PHLPP2: variants seen among roughly 807,000 people sequenced by gnomAD.
PHLPP2 encodes the protein PH domain leucine-rich repeat-containing protein phosphatase 2.
PHLPP2 carries 66 observed loss-of-function variants against 124.9 expected under a neutral mutation model. The ratio of observed to expected loss-of-function variants is 0.53; its 90% CI spans 0.43 to 0.65. The LOEUF is 0.65. Among genes scored for constraint, PHLPP2 ranks in the 30% least tolerant of loss-of-function variants. PHLPP2 has a pLI of 0.00. For synonymous variants in PHLPP2, 681 were observed against 624.7 expected, an observed-to-expected ratio of 1.09 and a Z score of -1.34; for missense variants, 1,685 against 1,600.4, an observed-to-expected ratio of 1.05 and a Z score of -0.90.
Position 71,678,821 on chromosome 16 carries a change from T to C in PHLPP2, c.1202A>G (p.Asn401Ser), listed in dbSNP as rs1484078802. ...TMLDRVVMAG[N>S]CLEVLNLGVL... is the part of the protein sequence containing the mutation. ...CCCTAAGTTCAGGACTTCCAGGCAATTTCCTGCCATAACCACTCTATCTAA... is the reference window on the plus strand; with the variant it reads ...CCCTAAGTTCAGGACTTCCAGGCAACTTCCTGCCATAACCACTCTATCTAA... Residue 401 changes from asparagine to serine, a missense_variant, in exon 8 of 19, where the codon AAT (asparagine) becomes AGT (serine). Transcript: ENST00000568954. 1.9e-6 allele frequency: 3 copies of C among 1,612,714 alleles called. No individual in the cohort carries two copies. The highest frequency in any genetic ancestry group is 1.7e-5 in the Admixed American group (1 of 60,002).
At chr16:71,689,015 C>A (rs1042704316) in intron 4 of PHLPP2, among the ~76,000 whole-genome samples, 9 of 152,108 alleles carry the variant, frequency 5.9e-5, no homozygotes, top group African/African-American at 1.9e-4. Context: ...ACAAAAGATA[C>A]CAACCAGCCT....
intron 15 of PHLPP2, among the ~76,000 whole-genome samples, 199 bp from the exon 16 acceptor site, chr16:71,656,880 G>A (rs2044746532): frequency 6.6e-6 from 1 of 151,858 alleles, no homozygotes; most frequent in Admixed American, 6.6e-5. Context: ...CTCCTAAGCA[G>A]CTGAGATTAC....
chr16:71,649,166 G>A lies in PHLPP2; in HGVS notation c.3696C>T (p.Thr1232=), dbSNP rs372900570. Residue 1232 remains threonine, a synonymous_variant, in exon 19 of 19, where the codon ACC becomes ACT. Transcript: ENST00000568954. ...AGAGTTTCTTCCCATAGAGGCAGGA[G>A]GTGGAGGGAGACTTCTGTAACTCCA... ...DRMELQKSPS[T]SCLYGKKLSN... The A allele has an allele frequency of 6.2e-7, 1 of 1,614,166 alleles. No individual in the cohort carries two copies. The highest frequency in any genetic ancestry group is 1.7e-5 in the Admixed American group (1 of 60,024).
intron 15 of PHLPP2, among the ~76,000 whole-genome samples, chr16:71,657,271 T>A (rs1436845901): frequency 2.6e-5 from 4 of 151,512 alleles, no homozygotes; most frequent in Non-Finnish European, 5.9e-5. Context: ...AGGGATGGAG[T>A]TTTGTCATGT....
Position 71,678,834 on chromosome 16 carries a change from C to G in PHLPP2, c.1189G>C (p.Val397Leu). 1.2e-6 allele frequency: 2 copies of G among 1,612,638 alleles called. No homozygotes were observed. The highest frequency in any genetic ancestry group is 1.3e-5 in the African/African-American group (1 of 75,006). Residue 397 changes from valine to leucine, a missense_variant, in exon 8 of 19, where the codon GTT becomes CTT. Physicochemically the swap from Val to Leu is conservative, Grantham distance 32. Coordinates refer to ENST00000568954, the MANE Select transcript of PHLPP2 (RefSeq NM_015020.3). ...ACTTCCAGGCAATTTCCTGCCATAA[C>G]CACTCTATCTAACATAGTGAGTTTC... ...YEKLTMLDRV[V>L]MAGNCLEVLN...
intron 3 of PHLPP2, among the ~76,000 whole-genome samples, chr16:71,698,374 T>C (rs1326891284): frequency 6.6e-6 from 1 of 152,194 alleles, no homozygotes; most frequent in Non-Finnish European, 1.5e-5. Context: ...ACCAGGGAAC[T>C]TCAACTTGGC....
At position 71,648,764 on chromosome 16, in the gene PHLPP2, C is replaced by A; in HGVS notation, c.*126G>T. The A allele has an allele frequency of 1.4e-6, 1 of 732,842 alleles. No individual in the cohort carries two copies. The highest frequency in any genetic ancestry group is 2.3e-6 in the Non-Finnish European group (1 of 439,224). The allele number at this position is 732,842 out of a possible 1,614,324, so 45.4% of individuals were successfully genotyped here. ...CCAGCCTGAGCGACTGAGCAAGACT[C>A]CGTCTCAAAACAAACAAACAAAAAA... On this transcript the variant is annotated 3_prime_UTR_variant, in exon 19 of 19. Transcript: ENST00000568954.
At chr16:71,661,698 G>A (rs919393214) in intron 13 of PHLPP2, among the ~76,000 whole-genome samples, 6 of 152,240 alleles carry the variant, frequency 3.9e-5, no homozygotes, top group African/African-American at 1.4e-4. Flanking sequence ...AGGCTGACCA[G>A]GCACAGTGGT....
At chr16:71,660,349 C>T (rs992864608) in intron 13 of PHLPP2, among the ~76,000 whole-genome samples, 8 of 128,800 alleles carry the variant, frequency 6.2e-5, no homozygotes, top group Non-Finnish European at 1.6e-5. Flanking sequence ...GCACACCAGC[C>T]TGGGTGACAC....
intron 2 of PHLPP2, among the ~76,000 whole-genome samples, chr16:71,705,935 G>A (rs1482707080): frequency 1.3e-5 from 2 of 152,174 alleles, no homozygotes; most frequent in Non-Finnish European, 2.9e-5. Flanking sequence ...CTCTTCTGCT[G>A]AAAAAAGTAG....
At chr16:71,668,183 G>A (rs974781936) in intron 11 of PHLPP2, among the ~76,000 whole-genome samples, 2 of 151,626 alleles carry the variant, frequency 1.3e-5, no homozygotes, top group Non-Finnish European at 2.9e-5. Flanking sequence ...AGGCAGAGGC[G>A]GGCAGATCAC....
intron 2 of PHLPP2, among the ~76,000 whole-genome samples, chr16:71,714,086 C>T (rs950143176): frequency 2.0e-5 from 3 of 151,738 alleles, no homozygotes; most frequent in South Asian, 4.2e-4. Context: ...ATTACAGGTG[C>T]GCACTACCAT....
intron 3 of PHLPP2, among the ~76,000 whole-genome samples, chr16:71,693,857 A>G (rs1476713647): frequency 6.6e-6 from 1 of 152,202 alleles, no homozygotes. Context: ...CAGGGACAGA[A>G]AACTTTCCTA....
chr16:71,679,162 T>C (rs1352641704), intron 7 of PHLPP2, among the ~76,000 whole-genome samples, 177 bp from the exon 8 acceptor site: 1 of 152,202 alleles, frequency 6.6e-6, no homozygotes, highest in Non-Finnish European at 1.5e-5. Context: ...CTTAAACAAA[T>C]GGTCCCTCCA....
At chr16:71,653,405 T>C (rs1182256981) in intron 17 of PHLPP2, among the ~76,000 whole-genome samples, 1 of 152,148 alleles carries the variant, frequency 6.6e-6, no homozygotes, top group African/African-American at 2.4e-5. Context: ...GGTAAGAGGC[T>C]GGCCCAATAA....
chr16:71,711,203 T>C (rs921132301), intron 2 of PHLPP2, among the ~76,000 whole-genome samples: 1 of 151,760 alleles, frequency 6.6e-6, no homozygotes, highest in Non-Finnish European at 1.5e-5. Flanking sequence ...TGGTGGCTCA[T>C]GCCTGTAATC....
rs1254760893 is a variant in PHLPP2, at chr16:71,681,736, C to G, written c.890+15G>C. 6.3e-7 allele frequency: 1 copy of G among 1,588,608 alleles called. No homozygotes were observed. The highest frequency in any genetic ancestry group is 8.6e-7 in the Non-Finnish European group (1 of 1,167,238). ...GGTTTTAACAGGTTAGTCTGGAAAC[C>G]CATTCTCCACATACTTGTAGAGTGT... is the stretch of plus-strand genomic sequence containing the variant. On this transcript the variant is annotated intron_variant, in intron 6 of 18. Coordinates refer to ENST00000568954, the MANE Select transcript of PHLPP2 (RefSeq NM_015020.3).
intron 11 of PHLPP2, 117 bp from the exon 12 acceptor site, chr16:71,667,450 T>C (rs2044849481): frequency 1.3e-6 from 1 of 770,350 alleles, no homozygotes; most frequent in Non-Finnish European, 2.0e-6. Context: ...TTCTCCTAGA[T>C]TGTATACTCA....
At position 71,655,420 on chromosome 16, in the gene PHLPP2, G is replaced by A. The variant is rs771975630; in HGVS notation, c.2405C>T (p.Ala802Val). Residue 802 changes from alanine (A) to valine (V), a missense_variant, in exon 17 of 19, where the codon GCA (alanine) becomes GTA (valine). Transcript: ENST00000568954. ...CTCTGCAAAGCTATCCATAGCAAGTGCTGAGACACACAGCCTATAATAGAA... is the reference window on the plus strand; with the variant it reads ...CTCTGCAAAGCTATCCATAGCAAGTACTGAGACACACAGCCTATAATAGAA... ...AGQRNKLCVS[A>V]LAMDSFAEGV... is the part of the protein sequence containing the mutation. The A allele has an allele frequency of 6.2e-7, 1 of 1,612,942 alleles. No homozygotes were observed. The highest frequency in any genetic ancestry group is 8.5e-7 in the Non-Finnish European group (1 of 1,179,244).
Sources: allele counts gnomAD v4.1 joint callset (sites outside exome capture counted in the v4.1 genomes callset), GRCh38; gene constraint gnomAD v4.1.1; transcripts MANE v1.5; gene names NCBI Gene and HGNC (gene_info 2026-07-23, HGNC 2026-07-21).